Variants in BRD3 observed in about 807,000 individuals in gnomAD.
BRD3 encodes bromodomain containing 3.
In BRD3, 17 loss-of-function variants were observed where a neutral mutation model predicts 66.8. The ratio of observed to expected loss-of-function variants is 0.25; its 90% CI spans 0.17 to 0.38. The LOEUF is 0.38. Ranked by LOEUF, BRD3 falls within the 10% of genes least tolerant of loss-of-function variation. The pLI is 1.00. For synonymous variants in BRD3, 421 were observed against 393.2 expected (o/e 1.07, Z -0.84); for missense variants, 713 against 956.1 (o/e 0.75, Z 3.35).
In BRD3 at chr9:134,052,297, T is replaced by A; in HGVS notation, c.351+9A>T. On this transcript the variant is annotated intron_variant, in intron 3 of 11. Transcript: ENST00000303407. Reference sequence around the variant, plus strand: ...CTGCAAGCGGCGTGCCAGGCCCGCATCTTCTTACCTTGTTATAAATGTAAC... The same window carrying A: ...CTGCAAGCGGCGTGCCAGGCCCGCAACTTCTTACCTTGTTATAAATGTAAC... 1 of 1,611,780 alleles carries A rather than the reference T, an allele frequency of 6.2e-7. No individual in the cohort carries two copies.
chr9:134,033,464 C>A lies in BRD3; in HGVS notation c.*126G>T. The A allele has an allele frequency of 1.7e-6, 1 of 593,756 alleles. No homozygotes were observed. The highest frequency in any genetic ancestry group is 3.1e-6 in the Non-Finnish European group (1 of 326,974). The allele number at this position is 593,756 out of a possible 1,614,324, so 36.8% of individuals were successfully genotyped here. Reference sequence around the variant, plus strand: ...TATGAAAGCAAAAACTGGAAGATATCATAACACTGAATTAAGAAGCAGACC... The same window carrying A: ...TATGAAAGCAAAAACTGGAAGATATAATAACACTGAATTAAGAAGCAGACC... On this transcript the variant is annotated 3_prime_UTR_variant, in exon 12 of 12. Coordinates refer to ENST00000303407, the MANE Select transcript of BRD3 (RefSeq NM_007371.4). The surrounding 1 kb of genome is among the most constrained non-coding windows in gnomAD (Gnocchi z 5.1).
Position 134,053,358 on chromosome 9 carries a change from C to T in BRD3, c.120G>A (p.Gln40=). 1 of 1,613,422 alleles carries T rather than the reference C, an allele frequency of 6.2e-7. No individual in the cohort carries two copies. The highest frequency in any genetic ancestry group is 1.1e-5 in the South Asian group (1 of 91,080). Residue 40 remains glutamine, a synonymous_variant, in exon 2 of 12, where the codon CAG becomes CAA. Transcript: ENST00000303407. ...TCTTCACCACCACATTCTGCATGTA[C>T]TGCAGCTGGTTGGTCTTGCGGCCGG... ...SKPGRKTNQL[Q]YMQNVVVKTL...
At chr9:134,065,829 G>C (rs1830639141) in intron 1 of BRD3, among the ~76,000 whole-genome samples, 1 of 152,202 alleles carries the variant, frequency 6.6e-6, no homozygotes, top group Admixed American at 6.5e-5. Context: ...CTGGTGCACA[G>C]GGCTCCCGCG....
chr9:134,039,980 C>T (rs1830005057), intron 9 of BRD3, 54 bp downstream of exon 9: 7 of 1,539,308 alleles, frequency 4.5e-6, no homozygotes, highest in Non-Finnish European at 6.1e-6. Flanking sequence ...TACATGAGCC[C>T]CCATGGCGTG....
chr9:134,048,990 C>G (rs1328949568), intron 5 of BRD3, among the ~76,000 whole-genome samples: 1 of 152,020 alleles, frequency 6.6e-6, no homozygotes. Context: ...GGCAGCCCAA[C>G]CAGGAGGCAT....
chr9:134,047,244 AAAC>A (rs1328127107), intron 6 of BRD3, among the ~76,000 whole-genome samples: 1 of 152,262 alleles, frequency 6.6e-6, no homozygotes, highest in Non-Finnish European at 1.5e-5. Context: ...CCCAGGATGA[AAAC>A]AACTGCCCAA....
At chr9:134,035,121 G>A (rs1588271044) in intron 10 of BRD3, among the ~76,000 whole-genome samples, 1 of 152,306 alleles carries the variant, frequency 6.6e-6, no homozygotes, top group African/African-American at 2.4e-5. Context: ...ACAGGTGCAC[G>A]GACAGGATGC....
chr9:134,038,551 A>C (rs1829976408), intron 9 of BRD3, among the ~76,000 whole-genome samples: 1 of 152,102 alleles, frequency 6.6e-6, no homozygotes, highest in Non-Finnish European at 1.5e-5. Flanking sequence ...GGCCCTCCCA[A>C]AGTGCTGGGG....
chr9:134,054,527 C>A (rs1830374558), intron 1 of BRD3: 1 of 137,546 alleles, frequency 7.3e-6, no homozygotes, highest in Non-Finnish European at 1.5e-5. Context: ...TAACCCAGCG[C>A]CTGGGACTTC....
Position 134,032,827 on chromosome 9 carries a change from CA to C in BRD3, c.*762del. The stretch of plus-strand genomic sequence containing the variant: ...TTCCGTAGAAAATTGCCGAACCTTA[CA>C]AAAAAAGTCTCCTTTTTTTTTTTTT... On this transcript the variant is annotated 3_prime_UTR_variant, in exon 12 of 12. Coordinates refer to ENST00000303407, the MANE Select transcript of BRD3 (RefSeq NM_007371.4). The C allele has an allele frequency of 3.8e-6, 1 of 262,970 alleles. No individual in the cohort carries two copies. The highest frequency in any genetic ancestry group is 5.5e-5 in the Admixed American group (1 of 18,050). 16.3% of individuals were successfully genotyped at this position (262,970 alleles called of 1,614,324 possible).
intron 11 of BRD3, 28 bp downstream of exon 11, chr9:134,034,672 AG>A: frequency 1.2e-6 from 2 of 1,600,240 alleles, no homozygotes. Context: ...CCCCCTAAAG[AG>A]GGGTGGCACA....
chr9:134,038,515 C>T (rs1237329637), intron 9 of BRD3, among the ~76,000 whole-genome samples: 2 of 152,130 alleles, frequency 1.3e-5, no homozygotes, highest in Non-Finnish European at 2.9e-5. Context: ...GATTCTAACT[C>T]CTGAGCTCAA....
At position 134,031,363 on chromosome 9, in the gene BRD3, T is replaced by G. The variant is rs1843509992; in HGVS notation, c.*2227A>C. 1 of 208,040 alleles carries G rather than the reference T, an allele frequency of 4.8e-6. No individual in the cohort carries two copies. The highest frequency in any genetic ancestry group is 9.8e-6 in the Non-Finnish European group (1 of 102,166). The allele number at this position is 208,040 out of a possible 1,614,324, so 12.9% of individuals were successfully genotyped here. A position where few individuals can be genotyped will look rare whatever the true frequency, so the allele number is the denominator to read the frequency against. On this transcript the variant is annotated 3_prime_UTR_variant, in exon 12 of 12. Transcript: ENST00000303407. ...AGCCCCAGGCACCCCCGGCTTAGGG[T>G]GTACGTATCACCCAGCCCTGTGCTG...
chr9:134,057,483 C>T (rs1344533779), intron 1 of BRD3: 1 of 152,370 alleles, frequency 6.6e-6, no homozygotes, highest in Non-Finnish European at 1.5e-5. Context: ...ACAAACAGCA[C>T]AGGTGGTCGG....
At position 134,054,989 on chromosome 9, in the gene BRD3, G is replaced by A. The variant is rs554622091; in HGVS notation, c.-113-1399C>T. ...CTCTGGGGCGCCCACCTGTGCCAGG[G>A]CCTCATCCAGGGAAGCCCCTCACAC... On this transcript the variant is annotated intron_variant, in intron 1 of 11. Transcript: ENST00000303407. Among the ~76,000 whole-genome samples the A allele has an allele frequency of 3.6e-4, 55 of 152,304 alleles. 1 individual carries two copies. Among genetic ancestry groups the A allele is most frequent in the Admixed American group, 2.9e-3 (45 of 15,306 alleles).
rs375324272 is a variant in BRD3 at position 134,031,331 on chromosome 9, G to A, written c.*2259C>T. On this transcript the variant is annotated 3_prime_UTR_variant, in exon 12 of 12. Coordinates refer to ENST00000303407, the MANE Select transcript of BRD3 (RefSeq NM_007371.4). Reference sequence around the variant, plus strand: ...TGGCTGGAGGGGCATTGCAAGGAGCGCCCCCCAGCCCCAGGCACCCCCGGC... The same window carrying A: ...TGGCTGGAGGGGCATTGCAAGGAGCACCCCCCAGCCCCAGGCACCCCCGGC... 8.2e-5 allele frequency: 17 copies of A among 207,880 alleles called. No individual in the cohort carries two copies. Among genetic ancestry groups the A allele is most frequent in the Middle Eastern group, 1.6e-3 (1 of 638 alleles). The allele number at this position is 207,880 out of a possible 1,614,324, so 12.9% of individuals were successfully genotyped here.
At chr9:134,040,420 G>GCC in intron 8 of BRD3, 151 bp from the exon 9 acceptor site, 1 of 856,872 alleles carries the variant, frequency 1.2e-6, no homozygotes, top group South Asian at 1.8e-5. Context: ...GCCCTGCTCT[G>GCC]CCCCTCACTC....
At position 134,033,509 on chromosome 9, in the gene BRD3, G is replaced by A. The variant is rs1843547347; in HGVS notation, c.*81C>T. Reference sequence around the variant, plus strand: ...CAGACCTGCACACCATGGAACAGAAGTAGTAATATGAACCACAGAGGGGTA... The same window carrying A: ...CAGACCTGCACACCATGGAACAGAAATAGTAATATGAACCACAGAGGGGTA... On this transcript the variant is annotated 3_prime_UTR_variant, in exon 12 of 12. Coordinates refer to ENST00000303407, the MANE Select transcript of BRD3 (RefSeq NM_007371.4). The surrounding 1 kb of genome is among the most constrained non-coding windows in gnomAD (Gnocchi z 5.1). The A allele has an allele frequency of 1.5e-6, 1 of 659,104 alleles. No homozygotes were observed. The highest frequency in any genetic ancestry group is 2.8e-6 in the Non-Finnish European group (1 of 351,756). The allele number at this position is 659,104 out of a possible 1,614,324, so 40.8% of individuals were successfully genotyped here. A position where few individuals can be genotyped will look rare whatever the true frequency, so the allele number is the denominator to read the frequency against.
chr9:134,059,187 G>A (rs545438894), intron 1 of BRD3, among the ~76,000 whole-genome samples: 2 of 152,320 alleles, frequency 1.3e-5, no homozygotes, highest in South Asian at 2.1e-4. Context: ...TGGAAGAAAC[G>A]GGCCAGCCCA....
Sources: allele counts gnomAD v4.1 joint callset (sites outside exome capture counted in the v4.1 genomes callset), GRCh38; gene constraint gnomAD v4.1.1; non-coding constraint Gnocchi (gnomAD v3.1); transcripts MANE v1.5; gene names NCBI Gene and HGNC (gene_info 2026-07-23, HGNC 2026-07-21).